DPYD: variants seen among roughly 807,000 people sequenced by gnomAD.
DPYD encodes the protein dihydropyrimidine dehydrogenase [NADP(+)].
Under a neutral mutation model 116.2 loss-of-function variants are expected in DPYD, and 109 were observed. The ratio of observed to expected loss-of-function variants is 0.94; its 90% CI spans 0.80 to 1.10. The LOEUF (loss-of-function observed/expected upper bound fraction) is 1.10, where lower values mean the gene tolerates loss of function less well. Ranked by LOEUF, DPYD falls within the 50% of genes least tolerant of loss-of-function variation. DPYD has a pLI of 0.00. For missense variants in DPYD, 1,302 were observed against 1,254.5 expected (o/e 1.04, Z -0.57); for synonymous variants, 440 against 432.0 (o/e 1.02, Z -0.23).
intron 16 of DPYD, among the ~76,000 whole-genome samples, chr1:97,326,793 G>T (rs1668726479): frequency 6.6e-6 from 1 of 151,854 alleles, no homozygotes; most frequent in Admixed American, 6.6e-5. Context: ...TATAGTCAAA[G>T]AAAACTAACA....
At chr1:97,296,157 A>T (rs1325902460) in intron 18 of DPYD, 2 of 135,948 alleles carry the variant, frequency 1.5e-5, no homozygotes, top group African/African-American at 5.0e-5. Context: ...AAACAAAATA[A>T]TTCAAAATAT....
chr1:97,639,091 TTGA>T (rs1212138812), intron 8 of DPYD, among the ~76,000 whole-genome samples: 2 of 152,152 alleles, frequency 1.3e-5, no homozygotes, highest in African/African-American at 4.8e-5. Context: ...TTGTAGGCAG[TTGA>T]TGAGGCAGAA....
intron 15 of DPYD, among the ~76,000 whole-genome samples, chr1:97,374,980 G>T (rs1671529414): frequency 7.3e-6 from 1 of 136,092 alleles, no homozygotes; most frequent in African/African-American, 2.8e-5. Flanking sequence ...AGTGAGCTGA[G>T]ACCATGCCAC....
intron 3 of DPYD, among the ~76,000 whole-genome samples, chr1:97,753,896 T>C (rs1665078251): frequency 6.6e-6 from 1 of 152,110 alleles, no homozygotes; most frequent in South Asian, 2.1e-4. Context: ...ATTATGTCCC[T>C]ATCCAGTATC....
In DPYD at chr1:97,193,109, T is replaced by C. The variant is rs60139309; in HGVS notation, c.2582A>G (p.Lys861Arg). ...AGCTATACGTGGAACTGGTTTCCCT[T>C]TCTGGTGACTCACAGTAGCTGGACT... is the stretch of plus-strand genomic sequence containing the variant. ...GQSPATVSHQ[K>R]GKPVPRIAEL... The change falls in exon 20 of 23, where the codon AAA becomes AGA. Residue 861 changes from lysine to arginine, a missense_variant. Transcript: ENST00000370192. 17 of 1,614,052 alleles carry C rather than the reference T, an allele frequency of 1.1e-5. No individual in the cohort carries two copies. In the South Asian group the frequency reaches 1.8e-4, roughly 17 times the overall value.
chr1:97,137,995 C>T (rs1387317518), intron 20 of DPYD, among the ~76,000 whole-genome samples: 1 of 152,166 alleles, frequency 6.6e-6, no homozygotes, highest in African/African-American at 2.4e-5. Context: ...AAGTACACAT[C>T]CCTAATCCAA....
intron 11 of DPYD, among the ~76,000 whole-genome samples, chr1:97,562,130 T>C (rs1156318937): frequency 6.6e-6 from 1 of 152,188 alleles, no homozygotes; most frequent in Non-Finnish European, 1.5e-5. Flanking sequence ...AATGAAAGAA[T>C]GGGAAGTAAC....
intron 2 of DPYD, among the ~76,000 whole-genome samples, chr1:97,831,804 T>C (rs1046344782): frequency 2.6e-5 from 4 of 151,190 alleles, no homozygotes; most frequent in African/African-American, 9.7e-5. Context: ...AAATAATCAG[T>C]GATTAGTAAT....
At chr1:97,916,053 CAG>C (rs1674194575) in intron 1 of DPYD, among the ~76,000 whole-genome samples, 1 of 152,066 alleles carries the variant, frequency 6.6e-6, no homozygotes, top group South Asian at 2.1e-4. Flanking sequence ...CCAGTTTATA[CAG>C]AGTTTGGTAA....
chr1:97,637,775 A>C (rs1367173211), intron 8 of DPYD, among the ~76,000 whole-genome samples: 5 of 152,176 alleles, frequency 3.3e-5, no homozygotes, highest in African/African-American at 1.2e-4. Context: ...TTACTTTACT[A>C]TACATCTCTT....
intron 2 of DPYD, among the ~76,000 whole-genome samples, chr1:97,844,638 G>A (rs1208245050): frequency 6.6e-6 from 1 of 152,188 alleles, no homozygotes; most frequent in East Asian, 1.9e-4. Flanking sequence ...TATGGCTGGA[G>A]GAAGCATGGC....
chr1:97,135,752 G>A (rs1653738568), intron 20 of DPYD, among the ~76,000 whole-genome samples: 1 of 152,068 alleles, frequency 6.6e-6, no homozygotes, highest in South Asian at 2.1e-4. Flanking sequence ...CACCCCACAT[G>A]GGTACTCAAT....
chr1:97,182,711 TCTC>T (rs1195964602), intron 20 of DPYD, among the ~76,000 whole-genome samples: 9 of 151,980 alleles, frequency 5.9e-5, no homozygotes, highest in Non-Finnish European at 1.0e-4. Context: ...TCCCTTCCCT[TCTC>T]CTCTTTTCTG....
intron 14 of DPYD, among the ~76,000 whole-genome samples, chr1:97,402,425 G>A (rs1240351472): frequency 1.3e-5 from 2 of 151,872 alleles, no homozygotes; most frequent in Non-Finnish European, 1.5e-5. Context: ...CTTTTTCATT[G>A]TTGGTACAGA....
chr1:97,514,560 T>A (rs1648059888), intron 13 of DPYD, among the ~76,000 whole-genome samples: 1 of 151,896 alleles, frequency 6.6e-6, no homozygotes, highest in African/African-American at 2.4e-5. Context: ...TCTACAAGGT[T>A]ATAAACAATT....
intron 16 of DPYD, among the ~76,000 whole-genome samples, chr1:97,337,479 G>C (rs968697207): frequency 2.0e-5 from 3 of 151,958 alleles, no homozygotes; most frequent in African/African-American, 7.3e-5. Flanking sequence ...CCACATGCTG[G>C]CTCACCTCTG....
chr1:97,689,332 G>T lies in DPYD; in HGVS notation c.762+2385C>A, dbSNP rs930476591. Among the ~76,000 whole-genome samples, 5 of 152,052 alleles carry T rather than the reference G, an allele frequency of 3.3e-5. No homozygotes were observed. The East Asian group carries it at 9.7e-4, about 29-fold the overall frequency. On this transcript the variant is annotated intron_variant, in intron 7 of 22. Transcript: ENST00000370192. ...GGATATAATCAGGTTATGTTATTTG[G>T]ATGATAATACGCTTATTAAACTACT...
At chr1:97,355,205 T>C (rs575048992) in intron 16 of DPYD, among the ~76,000 whole-genome samples, 25 of 152,298 alleles carry the variant, frequency 1.6e-4, no homozygotes, top group Admixed American at 1.4e-3. Flanking sequence ...ATCATCTCTA[T>C]AGGAATAATA....
intron 19 of DPYD, among the ~76,000 whole-genome samples, chr1:97,233,128 G>A (rs2100741790): frequency 6.6e-6 from 1 of 152,158 alleles, no homozygotes; most frequent in East Asian, 1.9e-4. Context: ...TGGCTTTCTT[G>A]GACACCCGAG....
Sources: allele counts gnomAD v4.1 joint callset (sites outside exome capture counted in the v4.1 genomes callset), GRCh38; gene constraint gnomAD v4.1.1; transcripts MANE v1.5; gene names NCBI Gene and HGNC (gene_info 2026-07-23, HGNC 2026-07-21).